The following SLC14A2 variants were observed in gnomAD, a reference collection of about 807,000 sequenced individuals.
The protein encoded by SLC14A2 is urea transporter 2.
In SLC14A2, 91 loss-of-function variants were observed where a neutral mutation model predicts 104.6. The ratio of observed to expected loss-of-function variants is 0.87; its 90% CI spans 0.73 to 1.04. The LOEUF is 1.04. SLC14A2 is among the 50% of genes least tolerant of loss of function. SLC14A2 has a pLI of 0.00. For missense variants in SLC14A2, 1,189 were observed against 1,156.0 expected (o/e 1.03, Z -0.41); for synonymous variants, 476 against 466.4 (o/e 1.02, Z -0.27).
At chr18:45,533,093 G>T (rs967498343) in intron 2 of SLC14A2, among the ~76,000 whole-genome samples, 9 of 152,170 alleles carry the variant, frequency 5.9e-5, no homozygotes, top group East Asian at 1.9e-4. Flanking sequence ...TGCTGGATTC[G>T]GTTTGCCAGT....
the SLC14A2 span, among the ~76,000 whole-genome samples, chr18:45,188,792 A>G: frequency 6.6e-6 from 1 of 152,194 alleles, no homozygotes; most frequent in Non-Finnish European, 1.5e-5. Context: ...TTCCCAACAT[A>G]TAGAGATTAA....
At chr18:45,186,560 A>G in the SLC14A2 span, among the ~76,000 whole-genome samples, 1 of 152,238 alleles carries the variant, frequency 6.6e-6, no homozygotes, top group African/African-American at 2.4e-5. Flanking sequence ...GGAAGTCCTC[A>G]TTTCCTTCCT....
chr18:45,453,334 A>T (rs1376985325), intron 1 of SLC14A2, among the ~76,000 whole-genome samples: 1 of 152,198 alleles, frequency 6.6e-6, no homozygotes, highest in African/African-American at 2.4e-5. Context: ...GGGCAAACCA[A>T]GTGAGGCAAC....
chr18:45,266,971 A>G (rs1173371933), intron 1 of SLC14A2, among the ~76,000 whole-genome samples: 1 of 152,190 alleles, frequency 6.6e-6, no homozygotes, highest in African/African-American at 2.4e-5. Flanking sequence ...CAAACATGAC[A>G]TAGATCTGAA....
intron 1 of SLC14A2, among the ~76,000 whole-genome samples, chr18:45,278,360 A>G (rs2084725561): frequency 6.6e-6 from 1 of 152,220 alleles, no homozygotes; most frequent in Admixed American, 6.5e-5. Context: ...GTTCAGCAGA[A>G]TGCTTGGCTC....
At position 45,411,618 on chromosome 18, in the gene SLC14A2, G is replaced by A. The variant is rs115150215; in HGVS notation, c.-124-71615G>A. Among the ~76,000 whole-genome samples, 644 of 152,188 alleles carry A rather than the reference G, an allele frequency of 4.2e-3. 3 individuals are homozygous for A. Among genetic ancestry groups the A allele is most frequent in the African/African-American group, 0.014 (585 of 41,524 alleles). ...CACCCAAAACATACACCCAGTTTCCGATGCACAGGTAATAAAGATGATAAG... is the reference window on the plus strand; with the variant it reads ...CACCCAAAACATACACCCAGTTTCCAATGCACAGGTAATAAAGATGATAAG... On this transcript the variant is annotated intron_variant, in intron 1 of 20. Transcript: ENST00000586448.
intron 10 of SLC14A2, among the ~76,000 whole-genome samples, chr18:45,661,311 T>G (rs2045933095): frequency 1.3e-5 from 2 of 152,236 alleles, no homozygotes; most frequent in Non-Finnish European, 2.9e-5. Context: ...TGTTGCCTTG[T>G]TTTGTTAAAC....
At chr18:45,550,759 A>G (rs1353709570) in intron 2 of SLC14A2, among the ~76,000 whole-genome samples, 2 of 152,186 alleles carry the variant, frequency 1.3e-5, no homozygotes, top group African/African-American at 4.8e-5. Flanking sequence ...GGAGGAAAAT[A>G]AGGGATTAGA....
At chr18:45,328,314 G>A (rs112794412) in intron 1 of SLC14A2, among the ~76,000 whole-genome samples, 4,764 of 152,244 alleles carry the variant, frequency 0.031, 196 homozygotes, top group African/African-American at 0.092. Flanking sequence ...GCTGCTTGTG[G>A]CTCAAGTAGG....
intron 1 of SLC14A2, among the ~76,000 whole-genome samples, chr18:45,337,023 A>G (rs1261338840): frequency 2.6e-5 from 4 of 151,360 alleles, no homozygotes; most frequent in African/African-American, 9.8e-5. Flanking sequence ...TGCATACAAA[A>G]ATATTTAGAA....
chr18:45,639,515 T>C (rs1040605295), intron 6 of SLC14A2, among the ~76,000 whole-genome samples: 10 of 151,976 alleles, frequency 6.6e-5, no homozygotes, highest in African/African-American at 1.5e-4. Context: ...GCCCAGCCCA[T>C]GTTGGGGGCC....
intron 4 of SLC14A2, among the ~76,000 whole-genome samples, chr18:45,630,762 T>C (rs1315049176): frequency 6.6e-6 from 1 of 152,208 alleles, no homozygotes; most frequent in Non-Finnish European, 1.5e-5. Context: ...CCAGTGGTCT[T>C]CTCTGCCACC....
chr18:45,669,650 C>T, intron 16 of SLC14A2, 152 bp downstream of exon 16: 1 of 663,714 alleles, frequency 1.5e-6, no homozygotes, highest in East Asian at 2.9e-5. Context: ...GAGCTGCCAT[C>T]CTTTTCTACT....
chr18:45,348,507 T>C (rs1284634728), intron 1 of SLC14A2, among the ~76,000 whole-genome samples: 1 of 152,166 alleles, frequency 6.6e-6, no homozygotes, highest in African/African-American at 2.4e-5. Flanking sequence ...GACTTCTAGC[T>C]CAAATATCCT....
At chr18:45,613,780 G>T (rs371101418), upstream of SLC14A2, among the ~76,000 whole-genome samples, 1 of 152,198 alleles carries the variant, frequency 6.6e-6, no homozygotes, top group Admixed American at 6.5e-5. Flanking sequence ...GCTCTTAAAA[G>T]GATTCAATTT....
intron 1 of SLC14A2, among the ~76,000 whole-genome samples, chr18:45,394,003 C>T (rs567189784): frequency 6.6e-6 from 1 of 152,206 alleles, no homozygotes; most frequent in Non-Finnish European, 1.5e-5. Context: ...CCTCTCCACT[C>T]TGTCCTTCAG....
At chr18:45,515,344 TCAAAAA>T in intron 2 of SLC14A2, 1 of 152,320 alleles carries the variant, frequency 6.6e-6, no homozygotes, top group South Asian at 2.1e-4. Flanking sequence ...CAATTTGGCA[TCAAAAA>T]CATGGGTTTT....
In SLC14A2 at chr18:45,382,898, G is replaced by T. The variant is rs2085854099; in HGVS notation, c.-124-100335G>T. 3.3e-5 allele frequency among the ~76,000 whole-genome samples: 5 copies of T among 152,172 alleles called. No homozygotes were observed. The South Asian group carries it at 1.0e-3, about 32-fold the overall frequency. Reference sequence around the variant, plus strand: ...TGCAAGTCAAGTTTAAAATTATCTAGTCCAACAATAGTAAGTAGTTTTAAT... The same window carrying T: ...TGCAAGTCAAGTTTAAAATTATCTATTCCAACAATAGTAAGTAGTTTTAAT... On this transcript the variant is annotated intron_variant, in intron 1 of 20. Transcript: ENST00000586448.
rs1204581176 is a variant in SLC14A2 at position 45,465,154 on chromosome 18, C to CAG, written c.-124-18067_-124-18066dup. Among the ~76,000 whole-genome samples, 3 of 151,846 alleles carry CAG rather than the reference C, an allele frequency of 2.0e-5. No individual in the cohort carries two copies. In the East Asian group the frequency reaches 5.8e-4, roughly 29 times the overall value. On this transcript the variant is annotated intron_variant, in intron 1 of 20. Coordinates refer to the SLC14A2 transcript ENST00000586448. Reference sequence around the variant, plus strand: ...CATACAGAGTGAGACAGAGGAGGGTCAGAGAGAGAGAGAAATGCAGAAAGA... The same window carrying CAG: ...CATACAGAGTGAGACAGAGGAGGGTCAGAGAGAGAGAGAGAAATGCAGAAAGA...
Sources: gnomAD v4.1 joint callset for allele counts (sites outside exome capture counted in the v4.1 genomes callset) on GRCh38, gnomAD v4.1.1 for gene constraint, MANE v1.5 for transcripts, NCBI Gene and HGNC (gene_info 2026-07-23, HGNC 2026-07-21) for gene names.